The following MGAT4C variants were observed in gnomAD, a reference collection of about 807,000 sequenced individuals.
The protein encoded by MGAT4C is alpha-1,3-mannosyl-glycoprotein 4-beta-N-acetylglucosaminyltransferase C.
Under a neutral mutation model 40.1 loss-of-function variants are expected in MGAT4C, and 19 were observed. That is an observed-to-expected ratio of 0.47 (90% confidence interval 0.33 to 0.70). MGAT4C has a LOEUF of 0.70. Among genes scored for constraint, MGAT4C ranks in the 30% least tolerant of loss-of-function variants. The pLI is 0.02. For missense variants in MGAT4C, 491 were observed against 563.2 expected (o/e 0.87, Z 1.30); for synonymous variants, 181 against 187.1 (o/e 0.97, Z 0.27).
At chr12:86,510,850 G>A (rs376830964) in intron 2 of MGAT4C, among the ~76,000 whole-genome samples, 2 of 151,748 alleles carry the variant, frequency 1.3e-5, no homozygotes, top group African/African-American at 4.8e-5. Context: ...GCAAGTCCTG[G>A]GTGACCTACA....
intron 1 of MGAT4C, among the ~76,000 whole-genome samples, chr12:86,203,500 T>A (rs1213438675): frequency 6.6e-6 from 1 of 151,316 alleles, no homozygotes; most frequent in African/African-American, 2.5e-5. Flanking sequence ...TTTTGCAGAA[T>A]TATGTATCTT....
At chr12:86,312,227 T>C (rs1421202380) in intron 4 of MGAT4C, among the ~76,000 whole-genome samples, 1 of 152,206 alleles carries the variant, frequency 6.6e-6, no homozygotes, top group East Asian at 1.9e-4. Flanking sequence ...GCCTAAAACA[T>C]GCAACATCAA....
rs1592895392 is a variant in MGAT4C at position 86,477,596 on chromosome 12, T to C, written c.-228-42331A>G. Among the ~76,000 whole-genome samples the C allele has an allele frequency of 2.0e-5, 3 of 152,218 alleles. 1 individual carries two copies. In the Middle Eastern group the frequency reaches 0.01, roughly 518 times the overall value. The stretch of plus-strand genomic sequence containing the variant: ...AAAAAATGTCCTTTTTCTCTTTATA[T>C]ATATATATTTTTATTATACTTTGAG... On this transcript the variant is annotated intron_variant, in intron 2 of 7. Coordinates refer to the MGAT4C transcript ENST00000548651.
chr12:85,986,763 G>C (rs1430041315), intron 3 of MGAT4C, among the ~76,000 whole-genome samples: 1 of 151,966 alleles, frequency 6.6e-6, no homozygotes, highest in Non-Finnish European at 1.5e-5. Context: ...AATGAGTTCA[G>C]ATAATTTTAT....
chr12:86,375,470 T>C (rs1285390566), intron 3 of MGAT4C, among the ~76,000 whole-genome samples: 1 of 152,118 alleles, frequency 6.6e-6, no homozygotes, highest in Admixed American at 6.6e-5. Flanking sequence ...CATCTAAGGT[T>C]TATTTTTTTT....
intron 2 of MGAT4C, among the ~76,000 whole-genome samples, chr12:86,720,037 A>T (rs372350168): frequency 1.7e-4 from 26 of 152,276 alleles, no homozygotes; most frequent in African/African-American, 6.3e-4. Flanking sequence ...TCATTATAAA[A>T]CATGTCTTAA....
At chr12:86,413,592 G>A (rs193182597) in intron 3 of MGAT4C, among the ~76,000 whole-genome samples, 1 of 152,314 alleles carries the variant, frequency 6.6e-6, no homozygotes, top group East Asian at 1.9e-4. Context: ...AAAGGAAGAG[G>A]CAGCTGAGAA....
intron 2 of MGAT4C, among the ~76,000 whole-genome samples, chr12:86,012,792 CCACCACCA>C (rs1888630527): frequency 7.3e-6 from 1 of 136,992 alleles, no homozygotes. Flanking sequence ...ACCACCACCA[CCACCACCA>C]CCACCACCAC....
intron 1 of MGAT4C, among the ~76,000 whole-genome samples, chr12:86,792,830 C>T (rs1380394765): frequency 6.6e-6 from 1 of 152,152 alleles, no homozygotes; most frequent in Non-Finnish European, 1.5e-5. Flanking sequence ...ACCCGGGAGG[C>T]TGAGGCAGGA....
rs116229083 is a variant in MGAT4C, at chr12:86,664,745, C to T, written c.-229+62464G>A. On this transcript the variant is annotated intron_variant, in intron 2 of 7. Transcript: ENST00000548651. ...TCTTATTATTCAAATTACTACAAAT[C>T]TGTAGTTATGTGTTCTAACGAATCC... Among the ~76,000 whole-genome samples the T allele has an allele frequency of 4.0e-3, 611 of 152,248 alleles. 3 individuals carry two copies. Among genetic ancestry groups the T allele is most frequent in the African/African-American group, 0.014 (596 of 41,546 alleles).
At chr12:86,079,285 C>T (rs1408661058) in intron 1 of MGAT4C, among the ~76,000 whole-genome samples, 1 of 152,108 alleles carries the variant, frequency 6.6e-6, no homozygotes, top group Admixed American at 6.6e-5. Context: ...TAAAAAAGCA[C>T]AGAAAACAAC....
intron 1 of MGAT4C, among the ~76,000 whole-genome samples, chr12:86,796,479 A>C (rs1454397175): frequency 1.3e-5 from 2 of 152,006 alleles, no homozygotes; most frequent in African/African-American, 4.8e-5. Context: ...AGACATATAC[A>C]GCATAACCTC....
chr12:86,535,431 T>C (rs925528165), intron 2 of MGAT4C, among the ~76,000 whole-genome samples: 2 of 152,076 alleles, frequency 1.3e-5, no homozygotes, highest in Non-Finnish European at 2.9e-5. Flanking sequence ...CAATACATTA[T>C]GTATTAAAGT....
At chr12:86,231,718 T>C (rs1243095909) in intron 1 of MGAT4C, among the ~76,000 whole-genome samples, 2 of 152,192 alleles carry the variant, frequency 1.3e-5, no homozygotes, top group East Asian at 1.9e-4. Flanking sequence ...TTCATTTTGG[T>C]AATATAATAA....
At chr12:86,252,403 T>A (rs1024827309) in intron 1 of MGAT4C, among the ~76,000 whole-genome samples, 1 of 152,054 alleles carries the variant, frequency 6.6e-6, no homozygotes, top group Non-Finnish European at 1.5e-5. Flanking sequence ...AGACAGATTC[T>A]TCAGTGGCTA....
At chr12:86,324,904 A>G (rs947520473) in intron 4 of MGAT4C, among the ~76,000 whole-genome samples, 1 of 152,124 alleles carries the variant, frequency 6.6e-6, no homozygotes, top group Non-Finnish European at 1.5e-5. Context: ...ACCACTTCCT[A>G]ATGATTATTA....
intron 1 of MGAT4C, among the ~76,000 whole-genome samples, chr12:86,772,020 A>T (rs901017694): frequency 1.3e-5 from 2 of 152,194 alleles, no homozygotes; most frequent in African/African-American, 2.4e-5. Context: ...CTAAACAAAA[A>T]GGAAGCAGTA....
intron 2 of MGAT4C, among the ~76,000 whole-genome samples, chr12:86,704,644 A>G (rs569000061): frequency 6.6e-6 from 1 of 152,234 alleles, no homozygotes; most frequent in South Asian, 2.1e-4. Flanking sequence ...CTTCAGTTAT[A>G]ACAATCAACT....
At chr12:86,209,905 A>T (rs181251495) in intron 1 of MGAT4C, among the ~76,000 whole-genome samples, 20 of 152,338 alleles carry the variant, frequency 1.3e-4, no homozygotes, top group Admixed American at 1.3e-3. Flanking sequence ...AAAGCTTTGG[A>T]ATACCATTTC....
Sources: allele counts gnomAD v4.1 joint callset (sites outside exome capture counted in the v4.1 genomes callset), GRCh38; gene constraint gnomAD v4.1.1; transcripts MANE v1.5; gene names NCBI Gene and HGNC (gene_info 2026-07-23, HGNC 2026-07-21).